IGFL2: variants seen among roughly 807,000 people sequenced by gnomAD.
The protein encoded by IGFL2 is insulin growth factor-like family member 2.
Under a neutral mutation model 13.9 loss-of-function variants are expected in IGFL2, and 7 were observed. The ratio of observed to expected loss-of-function variants is 0.51; its 90% CI spans 0.29 to 0.95. The LOEUF (loss-of-function observed/expected upper bound fraction) is 0.95, where lower values mean the gene tolerates loss of function less well. IGFL2 is among the 40% of genes least tolerant of loss of function. The pLI, the probability that IGFL2 is intolerant of heterozygous loss-of-function variation, is 0.08. For missense variants in IGFL2, 138 were observed against 147.8 expected (o/e 0.93, Z 0.34); for synonymous variants, 55 against 55.8 (o/e 0.99, Z 0.07).
the IGFL2 span, among the ~76,000 whole-genome samples, chr19:46,133,918 C>G: frequency 9.9e-4 from 150 of 152,210 alleles, no homozygotes; most frequent in African/African-American, 3.5e-3. Flanking sequence ...GGAGATTATT[C>G]CTGGAAATAA....
At chr19:46,087,622 G>T in the IGFL2 span, among the ~76,000 whole-genome samples, 1 of 152,364 alleles carries the variant, frequency 6.6e-6, no homozygotes, top group South Asian at 2.1e-4. Flanking sequence ...CTTTTAGTGG[G>T]AGCAGCGTTA....
At chr19:46,162,712 C>G (rs561335779), downstream of IGFL2, among the ~76,000 whole-genome samples, 126 of 152,284 alleles carry the variant, frequency 8.3e-4, 2 homozygotes, top group Middle Eastern at 0.017. Context: ...TATTGTGACT[C>G]TTGTTTTCCT....
chr19:46,124,600 T>C, the IGFL2 span: 1 of 1,580,146 alleles, frequency 6.3e-7, no homozygotes, highest in Non-Finnish European at 8.7e-7. Flanking sequence ...GATGAGATGA[T>C]GTTTGGATTT....
chr19:46,169,970 G>A, the IGFL2 span, among the ~76,000 whole-genome samples: 1 of 151,870 alleles, frequency 6.6e-6, no homozygotes, highest in Admixed American at 6.6e-5. Flanking sequence ...CTAATGTCCT[G>A]CAAGAAACAT....
At chr19:46,126,182 C>T in the IGFL2 span, among the ~76,000 whole-genome samples, 1 of 152,070 alleles carries the variant, frequency 6.6e-6, no homozygotes, top group African/African-American at 2.4e-5. Flanking sequence ...TTTTGGAAGG[C>T]GAATAGAAAA....
At chr19:46,096,858 A>G in the IGFL2 span, among the ~76,000 whole-genome samples, 4 of 152,222 alleles carry the variant, frequency 2.6e-5, no homozygotes, top group Non-Finnish European at 4.4e-5. Context: ...CTTGCATCCC[A>G]TGGATGAAGC....
the IGFL2 span, among the ~76,000 whole-genome samples, chr19:46,090,799 A>G: frequency 2.6e-5 from 4 of 152,200 alleles, no homozygotes; most frequent in African/African-American, 9.6e-5. Context: ...GTGGGTTCCC[A>G]TCTGGTTCCC....
chr19:46,129,144 T>C, the IGFL2 span, among the ~76,000 whole-genome samples: 1 of 152,236 alleles, frequency 6.6e-6, no homozygotes, highest in East Asian at 1.9e-4. Flanking sequence ...GTGTTGATAA[T>C]ATTCTCTGAT....
chr19:46,125,709 T>TG, the IGFL2 span, among the ~76,000 whole-genome samples: 1 of 152,168 alleles, frequency 6.6e-6, no homozygotes, highest in Non-Finnish European at 1.5e-5. Flanking sequence ...TGCGGAGGTG[T>TG]GGGGTGTGGT....
chr19:46,152,480 C>T (rs902254013), intron 1 of IGFL2, among the ~76,000 whole-genome samples: 2 of 151,960 alleles, frequency 1.3e-5, no homozygotes, highest in African/African-American at 2.4e-5. Context: ...GATGGGGTCT[C>T]GCTATGTTGA....
At chr19:46,210,651 C>T in the IGFL2 span, among the ~76,000 whole-genome samples, 2 of 152,164 alleles carry the variant, frequency 1.3e-5, no homozygotes, top group Non-Finnish European at 2.9e-5. Flanking sequence ...CCAGTCTAGC[C>T]TTTTCACGTT....
At chr19:46,148,782 T>C (rs1183673904) in intron 1 of IGFL2, 20 of 1,309,124 alleles carry the variant, frequency 1.5e-5, no homozygotes, top group African/African-American at 3.0e-5. Context: ...GGTTGGGGGC[T>C]CCCAGAGGTC....
At chr19:46,117,541 T>C in the IGFL2 span, among the ~76,000 whole-genome samples, 1 of 152,270 alleles carries the variant, frequency 6.6e-6, no homozygotes, top group African/African-American at 2.4e-5. Flanking sequence ...TGCAGTGGTA[T>C]AATCATAGCT....
At chr19:46,170,161 C>A in the IGFL2 span, among the ~76,000 whole-genome samples, 7 of 151,778 alleles carry the variant, frequency 4.6e-5, no homozygotes, top group Non-Finnish European at 1.0e-4. Flanking sequence ...AGTGGGTGCA[C>A]CGAGAGAGAG....
At chr19:46,086,443 C>T in the IGFL2 span, among the ~76,000 whole-genome samples, 5 of 152,230 alleles carry the variant, frequency 3.3e-5, 1 homozygote, top group South Asian at 1.0e-3. Flanking sequence ...TGTATGTCAG[C>T]CTCCTGAGTA....
chr19:46,184,479 T>C, the IGFL2 span, among the ~76,000 whole-genome samples: 9 of 152,278 alleles, frequency 5.9e-5, no homozygotes, highest in Non-Finnish European at 8.8e-5. Flanking sequence ...TCATGTGTTG[T>C]CATTGTTCAA....
intron 1 of IGFL2, among the ~76,000 whole-genome samples, chr19:46,154,837 T>A (rs1973725524): frequency 6.6e-6 from 1 of 152,244 alleles, no homozygotes; most frequent in African/African-American, 2.4e-5. Flanking sequence ...TTTTGTACGG[T>A]GTTCTTAGGC....
the IGFL2 span, among the ~76,000 whole-genome samples, chr19:46,169,087 G>T: frequency 6.6e-6 from 1 of 152,180 alleles, no homozygotes; most frequent in South Asian, 2.1e-4. Context: ...TGTACCTGTA[G>T]TCCTAGCTTC....
At chr19:46,125,668 T>C in the IGFL2 span, among the ~76,000 whole-genome samples, 3 of 152,204 alleles carry the variant, frequency 2.0e-5, no homozygotes, top group Admixed American at 6.5e-5. Flanking sequence ...GTTCTCCTTT[T>C]CTGAGCTTCA....
Sources: gnomAD v4.1 joint callset for allele counts (sites outside exome capture counted in the v4.1 genomes callset) on GRCh38, gnomAD v4.1.1 for gene constraint, MANE v1.5 for transcripts, NCBI Gene and HGNC (gene_info 2026-07-23, HGNC 2026-07-21) for gene names.